Variants in CEP63 observed in about 807,000 individuals in gnomAD.
CEP63 encodes centrosomal protein 63.
A neutral mutation model predicts 89.1 loss-of-function variants in CEP63; 84 were observed. The ratio of observed to expected loss-of-function variants is 0.94; its 90% CI spans 0.79 to 1.13. CEP63 has a LOEUF of 1.13. CEP63 is among the 50% of genes most tolerant of loss of function. The pLI is 0.00. For missense variants in CEP63, 838 were observed against 813.3 expected (o/e 1.03, Z -0.37); for synonymous variants, 267 against 272.5 (o/e 0.98, Z 0.20).
chr3:134,510,735 C>G, intron 3 of CEP63: 1 of 477,360 alleles, frequency 2.1e-6, no homozygotes, highest in Non-Finnish European at 4.0e-6. Context: ...GGAGACTTCT[C>G]CCATGGTCTT....
intron 9 of CEP63, among the ~76,000 whole-genome samples, chr3:134,548,148 A>G (rs1239821200): frequency 6.6e-6 from 1 of 152,192 alleles, no homozygotes; most frequent in African/African-American, 2.4e-5. Flanking sequence ...TCTGGGGGAA[A>G]AACCATCCCT....
chr3:134,668,508 C>T, the CEP63 span, among the ~76,000 whole-genome samples: 1 of 152,066 alleles, frequency 6.6e-6, no homozygotes, highest in East Asian at 1.9e-4. Context: ...GGAATTGAGC[C>T]CACCTAGAGT....
At chr3:134,708,113 G>A in the CEP63 span, among the ~76,000 whole-genome samples, 1 of 152,200 alleles carries the variant, frequency 6.6e-6, no homozygotes, top group South Asian at 2.1e-4. Context: ...AGGGCTCAGG[G>A]CAGACATTGT....
At chr3:134,567,684 A>G (rs1167943049), downstream of CEP63, among the ~76,000 whole-genome samples, 1 of 152,190 alleles carries the variant, frequency 6.6e-6, no homozygotes, top group East Asian at 1.9e-4. Flanking sequence ...ACTGTGCAAT[A>G]TTGTGGGGCA....
At chr3:134,756,071 C>A in the CEP63 span, among the ~76,000 whole-genome samples, 396 of 152,284 alleles carry the variant, frequency 2.6e-3, 1 homozygote, top group Non-Finnish European at 4.8e-3. Context: ...GTAATTGAGC[C>A]CTTTGTGCTG....
the CEP63 span, among the ~76,000 whole-genome samples, chr3:134,744,643 T>G: frequency 6.6e-6 from 1 of 152,138 alleles, no homozygotes; most frequent in Non-Finnish European, 1.5e-5. Context: ...GTCTCCTGAG[T>G]AGCTGGTACT....
At chr3:134,729,762 C>T in the CEP63 span, among the ~76,000 whole-genome samples, 3 of 152,176 alleles carry the variant, frequency 2.0e-5, no homozygotes, top group African/African-American at 7.2e-5. Flanking sequence ...TAGACCTCAA[C>T]GCCAAAAGCC....
chr3:134,611,811 G>A, the CEP63 span, among the ~76,000 whole-genome samples: 2 of 152,214 alleles, frequency 1.3e-5, no homozygotes, highest in South Asian at 4.1e-4. Flanking sequence ...AAACAAGAGG[G>A]CCACGGAGCC....
intron 10 of CEP63, among the ~76,000 whole-genome samples, chr3:134,581,868 G>A (rs950092895): frequency 1.3e-5 from 2 of 150,912 alleles, no homozygotes; most frequent in African/African-American, 2.4e-5. Flanking sequence ...GTAGAGACGG[G>A]GTTTCACCGT....
At chr3:134,764,589 T>A in the CEP63 span, among the ~76,000 whole-genome samples, 1 of 152,214 alleles carries the variant, frequency 6.6e-6, no homozygotes, top group Admixed American at 6.5e-5. Context: ...AAGAGCTTGC[T>A]CACTGGACCC....
At chr3:134,664,201 T>A in the CEP63 span, among the ~76,000 whole-genome samples, 1 of 152,172 alleles carries the variant, frequency 6.6e-6, no homozygotes, top group Admixed American at 6.5e-5. Context: ...TTTATTTTCA[T>A]CCTAAAAAGG....
downstream of CEP63, among the ~76,000 whole-genome samples, chr3:134,588,301 A>T (rs1958527124): frequency 6.6e-6 from 1 of 152,222 alleles, no homozygotes; most frequent in African/African-American, 2.4e-5. Context: ...AAATAAATAA[A>T]TAAATAAATG....
the CEP63 span, among the ~76,000 whole-genome samples, chr3:134,614,103 T>C: frequency 1.3e-5 from 2 of 152,150 alleles, no homozygotes; most frequent in African/African-American, 4.8e-5. Context: ...TGGAACTGTC[T>C]CCAGAACTTT....
At chr3:134,592,215 T>C (rs1292084210), downstream of CEP63, among the ~76,000 whole-genome samples, 1 of 152,208 alleles carries the variant, frequency 6.6e-6, no homozygotes, top group Non-Finnish European at 1.5e-5. Context: ...TGCTCGAGCA[T>C]CTTTACAACT....
At chr3:134,580,199 A>G (rs554436520) in intron 10 of CEP63, among the ~76,000 whole-genome samples, 9 of 148,058 alleles carry the variant, frequency 6.1e-5, no homozygotes, top group South Asian at 2.1e-4. Flanking sequence ...CACCTCAAAA[A>G]AAAAAAAAAA....
chr3:134,767,572 G>A, the CEP63 span, among the ~76,000 whole-genome samples: 1 of 152,176 alleles, frequency 6.6e-6, no homozygotes, highest in South Asian at 2.1e-4. Flanking sequence ...CTGAATAGCT[G>A]TTTCGCAAGG....
chr3:134,651,201 C>T, the CEP63 span: 5 of 1,331,960 alleles, frequency 3.8e-6, no homozygotes, highest in Non-Finnish European at 4.8e-6. Flanking sequence ...GAAAGGAAAT[C>T]CCCGGGCCCA....
chr3:134,653,219 A>G, the CEP63 span, among the ~76,000 whole-genome samples: 1 of 152,156 alleles, frequency 6.6e-6, no homozygotes, highest in Non-Finnish European at 1.5e-5. Flanking sequence ...ACACTGTGGG[A>G]TGTCTAGCAG....
the CEP63 span, among the ~76,000 whole-genome samples, chr3:134,710,212 C>T: frequency 3.9e-5 from 6 of 152,188 alleles, no homozygotes; most frequent in South Asian, 4.1e-4. Context: ...CCCAGCACAA[C>T]GGGTCGGCTG....
Sources: gnomAD v4.1 joint callset for allele counts (sites outside exome capture counted in the v4.1 genomes callset) on GRCh38, gnomAD v4.1.1 for gene constraint, MANE v1.5 for transcripts, NCBI Gene and HGNC (gene_info 2026-07-23, HGNC 2026-07-21) for gene names.